The following FAM120A variants were observed in gnomAD, a reference collection of about 807,000 sequenced individuals.
FAM120A encodes family with sequence similarity 120 member A.
Under a neutral mutation model 109.7 loss-of-function variants are expected in FAM120A, and 15 were observed. The ratio of observed to expected loss-of-function variants is 0.14; its 90% CI spans 0.09 to 0.21. FAM120A has a LOEUF of 0.21. FAM120A is among the 10% of genes least tolerant of loss of function. The pLI is 1.00. For synonymous variants in FAM120A, 493 were observed against 572.8 expected (o/e 0.86, Z 1.99); for missense variants, 899 against 1,439.3 (o/e 0.62, Z 6.07).
rs1404469638 is a variant in FAM120A at position 93,471,267 on chromosome 9, C to T, written c.601C>T (p.His201Tyr). ...CAACATCCCCTACTATTTCAGTGCCCATGCCCTAAAACTGAGCCGGAACGG... is the reference window on the plus strand; with the variant it reads ...CAACATCCCCTACTATTTCAGTGCCTATGCCCTAAAACTGAGCCGGAACGG... ...LCNIPYYFSA[H>Y]ALKLSRNGKS... is the part of the protein sequence containing the mutation. Residue 201 changes from histidine to tyrosine, a missense_variant, in exon 2 of 18, where the codon CAT becomes TAT. This residue lies in a region of FAM120A where 258 missense variants were observed against 451.4 expected (regional missense o/e 0.57). Coordinates refer to ENST00000277165, the MANE Select transcript of FAM120A (RefSeq NM_014612.5). The T allele has an allele frequency of 1.9e-6, 3 of 1,614,166 alleles. No individual in the cohort carries two copies. Among genetic ancestry groups the T allele is most frequent in the Non-Finnish European group, 1.7e-6 (2 of 1,180,032 alleles).
At chr9:93,455,306 A>G (rs898338026) in intron 1 of FAM120A, among the ~76,000 whole-genome samples, 1 of 152,238 alleles carries the variant, frequency 6.6e-6, no homozygotes, top group Admixed American at 6.5e-5. Flanking sequence ...ATAAAACTAT[A>G]GTGATAGGGA....
At chr9:93,524,541 G>A (rs937291444) in intron 7 of FAM120A, among the ~76,000 whole-genome samples, 2 of 152,214 alleles carry the variant, frequency 1.3e-5, no homozygotes, top group African/African-American at 4.8e-5. Flanking sequence ...CCATCCTATA[G>A]TGCTGGGCTT....
intron 1 of FAM120A, among the ~76,000 whole-genome samples, chr9:93,465,138 C>A (rs1159000367): frequency 6.6e-6 from 1 of 152,158 alleles, no homozygotes; most frequent in Admixed American, 6.5e-5. Context: ...CAGTACTTAA[C>A]GTTTATTCTT....
At chr9:93,562,158 T>G (rs1173259994) in intron 16 of FAM120A, 50 bp from the exon 17 acceptor site, 1 of 1,396,046 alleles carries the variant, frequency 7.2e-7, no homozygotes, top group Admixed American at 1.7e-5. Context: ...TTTTAAATGT[T>G]GTCTGTAACA....
chr9:93,469,534 A>G (rs1417795048), intron 1 of FAM120A, among the ~76,000 whole-genome samples: 2 of 152,232 alleles, frequency 1.3e-5, no homozygotes, highest in Non-Finnish European at 2.9e-5. Context: ...GTAAAGTTGT[A>G]CATAATAAAA....
At chr9:93,457,751 A>G (rs1343376867) in intron 1 of FAM120A, among the ~76,000 whole-genome samples, 2 of 151,584 alleles carry the variant, frequency 1.3e-5, no homozygotes, top group Non-Finnish European at 2.9e-5. Context: ...CCAATTTGTT[A>G]TTTGAGCACT....
chr9:93,498,027 G>C lies in FAM120A; in HGVS notation c.933+428G>C, dbSNP rs992046579. 1.3e-5 allele frequency among the ~76,000 whole-genome samples: 2 copies of C among 152,120 alleles called. No homozygotes were observed. Reference sequence around the variant, plus strand: ...TGTCAGGGATTTTCTTCTTTTTTGGGGAAGTAGGTGTGCCAACAAGTTGGC... The same window carrying C: ...TGTCAGGGATTTTCTTCTTTTTTGGCGAAGTAGGTGTGCCAACAAGTTGGC... On this transcript the variant is annotated intron_variant, in intron 4 of 17. Transcript: ENST00000277165. The surrounding 1 kb of genome is among the most constrained non-coding windows in gnomAD (Gnocchi z 4.4).
chr9:93,506,490 A>G (rs1181602766), intron 5 of FAM120A, among the ~76,000 whole-genome samples: 2 of 152,154 alleles, frequency 1.3e-5, no homozygotes, highest in East Asian at 1.9e-4. Flanking sequence ...ATTAATTTTC[A>G]TAGTTTATTT....
At chr9:93,493,165 T>G (rs534218555) in intron 3 of FAM120A, among the ~76,000 whole-genome samples, 1 of 152,352 alleles carries the variant, frequency 6.6e-6, no homozygotes, top group South Asian at 2.1e-4. Flanking sequence ...TCCACCTCCC[T>G]AAATTAAACC....
In FAM120A at chr9:93,452,174, G is replaced by A; in HGVS notation, c.259G>A (p.Gly87Ser). The change falls in exon 1 of 18, where the codon GGC becomes AGC. Residue 87 changes from glycine (G) to serine (S), a missense_variant. Transcript: ENST00000277165. This position sits in a 1 kb window ranked among gnomAD's most constrained non-coding sequence, Gnocchi z 7.0. ...YLAALAKACF[G>S]GNIELFVFFN... ...GGCGGCGCTGGCCAAGGCCTGCTTC[G>A]GCGGCAACATCGAGCTCTTCGTCTT... is the stretch of plus-strand genomic sequence containing the variant. 6.2e-7 allele frequency: 1 copy of A among 1,611,530 alleles called. No individual in the cohort carries two copies. Among genetic ancestry groups the A allele is most frequent in the African/African-American group, 1.3e-5 (1 of 74,840 alleles).
At chr9:93,461,068 A>G (rs1255660189) in intron 1 of FAM120A, among the ~76,000 whole-genome samples, 2 of 152,192 alleles carry the variant, frequency 1.3e-5, no homozygotes, top group Non-Finnish European at 2.9e-5. Flanking sequence ...GACCCACTGC[A>G]GTATTTGTAG....
chr9:93,548,807 C>CT (rs1861989272), intron 11 of FAM120A, among the ~76,000 whole-genome samples: 1 of 152,140 alleles, frequency 6.6e-6, no homozygotes, highest in South Asian at 2.1e-4. Context: ...CTTTGGGAGG[C>CT]TGAGGTGGGT....
intron 1 of FAM120A, among the ~76,000 whole-genome samples, chr9:93,453,975 T>C (rs2131180129): frequency 6.6e-6 from 1 of 152,328 alleles, no homozygotes; most frequent in South Asian, 2.1e-4. Flanking sequence ...GAATATTACT[T>C]AGGATTAGAA....
intron 10 of FAM120A, among the ~76,000 whole-genome samples, chr9:93,538,055 C>T (rs1007119608): frequency 6.6e-6 from 1 of 150,524 alleles, no homozygotes; most frequent in East Asian, 1.9e-4. Flanking sequence ...TTTTTTTAAC[C>T]AGTGTTACTT....
intron 12 of FAM120A, among the ~76,000 whole-genome samples, chr9:93,555,805 A>G (rs866847362): frequency 3.1e-4 from 47 of 152,352 alleles, no homozygotes; most frequent in Middle Eastern, 3.4e-3. Context: ...CATTTCTCCA[A>G]AAGACATTTT....
chr9:93,496,724 A>G (rs1020554841), intron 3 of FAM120A, among the ~76,000 whole-genome samples: 3 of 152,200 alleles, frequency 2.0e-5, no homozygotes, highest in African/African-American at 7.2e-5. Context: ...GCATATTCGC[A>G]GGTTCTGGAG....
At chr9:93,527,604 T>G (rs1486068051) in intron 8 of FAM120A, among the ~76,000 whole-genome samples, 1 of 148,720 alleles carries the variant, frequency 6.7e-6, no homozygotes, top group Non-Finnish European at 1.5e-5. Context: ...TAAAAAAATT[T>G]TTGTATTTAA....
At chr9:93,516,997 C>T (rs948800356) in intron 7 of FAM120A, among the ~76,000 whole-genome samples, 2 of 152,168 alleles carry the variant, frequency 1.3e-5, no homozygotes, top group Admixed American at 6.5e-5. Context: ...GCGCAGATAA[C>T]CAGGGCTGGT....
intron 11 of FAM120A, among the ~76,000 whole-genome samples, chr9:93,548,734 G>A (rs188120351): frequency 2.0e-5 from 3 of 152,222 alleles, no homozygotes; most frequent in Non-Finnish European, 2.9e-5. Flanking sequence ...TCTTGCATCC[G>A]GCCCTGATTA....
Sources: allele counts gnomAD v4.1 joint callset (sites outside exome capture counted in the v4.1 genomes callset), GRCh38; gene constraint gnomAD v4.1.1; regional missense constraint gnomAD v4.1.1; non-coding constraint Gnocchi (gnomAD v3.1); transcripts MANE v1.5; gene names NCBI Gene and HGNC (gene_info 2026-07-23, HGNC 2026-07-21).